The following RNF144A variants were observed in gnomAD, a reference collection of about 807,000 sequenced individuals.
The protein encoded by RNF144A is E3 ubiquitin-protein ligase RNF144A.
Under a neutral mutation model 38.7 loss-of-function variants are expected in RNF144A, and 11 were observed. The ratio of observed to expected loss-of-function variants is 0.28; its 90% CI spans 0.18 to 0.47. RNF144A has a LOEUF of 0.47. RNF144A is among the 20% of genes least tolerant of loss of function. RNF144A has a pLI of 0.99. For synonymous variants in RNF144A, 149 were observed against 143.9 expected (o/e 1.04, Z -0.25); for missense variants, 316 against 377.2 (o/e 0.84, Z 1.34).
At chr2:7,029,431 G>GGGGTGGAGAACGCCTGGA (rs1439990071) in intron 7 of RNF144A, among the ~76,000 whole-genome samples, 1 of 152,204 alleles carries the variant, frequency 6.6e-6, no homozygotes, top group Non-Finnish European at 1.5e-5. Context: ...AAATGGAGGT[G>GGGGTGGAGAACGCCTGGA]GGGTGGAGAA....
In RNF144A at chr2:7,042,658, AG is replaced by A. The variant is rs1673119761; in HGVS notation, c.*2899del. Reference sequence around the variant, plus strand: ...AGTCTGGCTCTGCTGTGTAGTCCATAGCCCAGCCAGATGAGCTTGCAGCCTC... The same window carrying A: ...AGTCTGGCTCTGCTGTGTAGTCCATACCCAGCCAGATGAGCTTGCAGCCTC... On this transcript the variant is annotated 3_prime_UTR_variant, in exon 9 of 9. Coordinates refer to ENST00000320892, the MANE Select transcript of RNF144A (RefSeq NM_014746.6). 1.0e-6 allele frequency: 1 copy of A among 985,486 alleles called. No individual in the cohort carries two copies. The highest frequency in any genetic ancestry group is 1.7e-5 in the African/African-American group (1 of 57,374). The allele number at this position is 985,486 out of a possible 1,614,324, so 61.0% of individuals were successfully genotyped here.
At chr2:6,922,989 G>T (rs1664639225) in intron 1 of RNF144A, among the ~76,000 whole-genome samples, 1 of 152,186 alleles carries the variant, frequency 6.6e-6, no homozygotes, top group Non-Finnish European at 1.5e-5. Flanking sequence ...CTGGTGGGTT[G>T]CAGGAGTCCC....
At chr2:6,942,502 A>G (rs2103300108) in intron 2 of RNF144A, among the ~76,000 whole-genome samples, 1 of 152,366 alleles carries the variant, frequency 6.6e-6, no homozygotes, top group East Asian at 1.9e-4. Flanking sequence ...CAGCAGCAGC[A>G]GGGAAAAGTG....
chr2:6,956,725 A>G (rs929149800), intron 2 of RNF144A, among the ~76,000 whole-genome samples: 3 of 152,146 alleles, frequency 2.0e-5, no homozygotes, highest in Admixed American at 2.0e-4. Context: ...CTTCAATGTG[A>G]GAACAACTCT....
At chr2:6,989,263 T>C (rs1669181662) in intron 2 of RNF144A, among the ~76,000 whole-genome samples, 1 of 151,932 alleles carries the variant, frequency 6.6e-6, no homozygotes, top group South Asian at 2.1e-4. Flanking sequence ...TTCCTACTGA[T>C]GAGGCCAACT....
intron 3 of RNF144A, among the ~76,000 whole-genome samples, chr2:7,011,788 C>G (rs940602223): frequency 1.3e-5 from 2 of 152,196 alleles, no homozygotes; most frequent in Non-Finnish European, 2.9e-5. Flanking sequence ...TCATGACCCA[C>G]TTTATATCTG....
intron 1 of RNF144A, among the ~76,000 whole-genome samples, chr2:6,929,693 T>A (rs1665086938): frequency 6.6e-6 from 1 of 152,234 alleles, no homozygotes; most frequent in African/African-American, 2.4e-5. Flanking sequence ...TTTGGAAGAC[T>A]TTAAATTATA....
chr2:6,960,483 G>A (rs1371756160), intron 2 of RNF144A, among the ~76,000 whole-genome samples: 1 of 152,214 alleles, frequency 6.6e-6, no homozygotes, highest in Non-Finnish European at 1.5e-5. Flanking sequence ...CAATGAGAGT[G>A]GCCAAGGTTG....
rs1664198008 is a variant in RNF144A at position 6,917,556 on chromosome 2, C to T, written c.-278C>T. ...AGGCGCGGGCGGCAAACTGCGGGCA[C>T]CCGGCACCCCGCAGCCAGTACCGGG... On this transcript the variant is annotated 5_prime_UTR_variant, in exon 1 of 9. Coordinates refer to ENST00000320892, the MANE Select transcript of RNF144A (RefSeq NM_014746.6). The surrounding 1 kb of genome is among the most constrained non-coding windows in gnomAD (Gnocchi z 4.8). 6.8e-6 allele frequency: 1 copy of T among 147,918 alleles called. No individual in the cohort carries two copies. Among genetic ancestry groups the T allele is most frequent in the African/African-American group, 2.4e-5 (1 of 41,020 alleles). 9.2% of individuals were successfully genotyped at this position (147,918 alleles called of 1,614,324 possible). A position where few individuals can be genotyped will look rare whatever the true frequency, so the allele number is the denominator to read the frequency against.
chr2:6,986,119 G>A (rs2103371330), intron 2 of RNF144A, among the ~76,000 whole-genome samples: 1 of 152,290 alleles, frequency 6.6e-6, no homozygotes, highest in South Asian at 2.1e-4. Context: ...GGATGGCTTA[G>A]AGGACTCCCG....
the RNF144A span, among the ~76,000 whole-genome samples, chr2:7,075,443 A>G: frequency 6.6e-6 from 1 of 152,184 alleles, no homozygotes; most frequent in African/African-American, 2.4e-5. Flanking sequence ...CTTAATCTCT[A>G]AATCTCTAAA....
chr2:7,025,853 C>T (rs1185757617), intron 7 of RNF144A, among the ~76,000 whole-genome samples: 2 of 152,236 alleles, frequency 1.3e-5, no homozygotes, highest in African/African-American at 4.8e-5. Flanking sequence ...TAGTATTAAG[C>T]CATTCAGGTC....
chr2:6,947,860 A>T (rs987511504), intron 2 of RNF144A, among the ~76,000 whole-genome samples: 3 of 152,138 alleles, frequency 2.0e-5, no homozygotes, highest in African/African-American at 7.2e-5. Context: ...TCCCTCTTGG[A>T]TTTGTTCATT....
intron 5 of RNF144A, among the ~76,000 whole-genome samples, chr2:7,017,473 C>T (rs1339142715): frequency 6.6e-6 from 1 of 152,172 alleles, no homozygotes; most frequent in Admixed American, 6.5e-5. Flanking sequence ...GGCACCAGCC[C>T]GCCGGGCAGG....
intron 3 of RNF144A, 91 bp from the exon 4 acceptor site, chr2:7,014,363 G>A: frequency 1.2e-6 from 1 of 850,314 alleles, no homozygotes. Context: ...GTAATGGAAT[G>A]ATGTGCCTGG....
intron 3 of RNF144A, among the ~76,000 whole-genome samples, chr2:6,999,816 C>A (rs1006102154): frequency 6.6e-6 from 1 of 152,208 alleles, no homozygotes; most frequent in Non-Finnish European, 1.5e-5. Flanking sequence ...GCAGCTCTCC[C>A]TAAATGTCTT....
chr2:6,973,051 C>A (rs1296514504), intron 2 of RNF144A, among the ~76,000 whole-genome samples: 1 of 152,170 alleles, frequency 6.6e-6, no homozygotes, highest in African/African-American at 2.4e-5. Context: ...CCTCTATTTT[C>A]TTATCTATGA....
intron 5 of RNF144A, among the ~76,000 whole-genome samples, chr2:7,019,264 G>A (rs561000763): frequency 6.6e-6 from 1 of 152,198 alleles, no homozygotes; most frequent in Non-Finnish European, 1.5e-5. Context: ...ATACGTATGC[G>A]TGTGCACCGT....
At chr2:7,070,156 TTC>T (rs143933026), downstream of RNF144A, among the ~76,000 whole-genome samples, 3 of 151,290 alleles carry the variant, frequency 2.0e-5, no homozygotes, top group African/African-American at 7.3e-5. Flanking sequence ...GGAGCTTTTC[TTC>T]TCTCTCTCTC....
Sources: allele counts gnomAD v4.1 joint callset (sites outside exome capture counted in the v4.1 genomes callset), GRCh38; gene constraint gnomAD v4.1.1; non-coding constraint Gnocchi (gnomAD v3.1); transcripts MANE v1.5; gene names NCBI Gene and HGNC (gene_info 2026-07-23, HGNC 2026-07-21).